LRTM1: variants seen among roughly 807,000 people sequenced by gnomAD.
LRTM1 encodes leucine rich repeat transmembrane protein 1.
A neutral mutation model predicts 32.4 loss-of-function variants in LRTM1; 38 were observed. The ratio of observed to expected loss-of-function variants is 1.17; its 90% CI spans 0.91 to 1.54. The LOEUF (loss-of-function observed/expected upper bound fraction) is 1.54. LRTM1 is among the 40% of genes most tolerant of loss of function. The pLI, the probability that LRTM1 is intolerant of heterozygous loss-of-function variation, is 0.00. For synonymous variants in LRTM1, 186 were observed against 169.9 expected (o/e 1.09, Z -0.74); for missense variants, 466 against 415.4 (o/e 1.12, Z -1.06).
At chr3:54,961,172 A>G (rs1041274440) in intron 1 of LRTM1, among the ~76,000 whole-genome samples, 1 of 152,246 alleles carries the variant, frequency 6.6e-6, no homozygotes, top group African/African-American at 2.4e-5. Flanking sequence ...CCTTGTTACT[A>G]TCACTGCTAG....
chr3:54,926,211 A>C (rs1329230537), intron 1 of LRTM1, among the ~76,000 whole-genome samples: 2 of 152,188 alleles, frequency 1.3e-5, no homozygotes, highest in East Asian at 3.8e-4. Flanking sequence ...TATAGCATGC[A>C]TTTTGAGCCA....
At chr3:54,935,621 C>G (rs561966952) in intron 1 of LRTM1, among the ~76,000 whole-genome samples, 2 of 152,282 alleles carry the variant, frequency 1.3e-5, no homozygotes, top group Admixed American at 6.5e-5. Context: ...ATTGTTTGCT[C>G]ATGTTAACAC....
intron 1 of LRTM1, among the ~76,000 whole-genome samples, chr3:54,934,484 A>G (rs1223552493): frequency 6.6e-6 from 1 of 152,180 alleles, no homozygotes; most frequent in Non-Finnish European, 1.5e-5. Flanking sequence ...CTGCATATGA[A>G]TATCAGCGGA....
At chr3:54,918,994 C>G in intron 2 of LRTM1, 102 bp from the exon 3 acceptor site, 1 of 871,176 alleles carries the variant, frequency 1.1e-6, no homozygotes. Context: ...TTATGAAGTA[C>G]CTTTTTTTTT....
At chr3:54,926,884 A>G (rs921832544) in intron 1 of LRTM1, among the ~76,000 whole-genome samples, 10 of 152,238 alleles carry the variant, frequency 6.6e-5, no homozygotes, top group Non-Finnish European at 1.0e-4. Context: ...ATCTTCTCAC[A>G]GGGCTCAGAG....
upstream of LRTM1, among the ~76,000 whole-genome samples, chr3:54,931,592 C>G (rs1701193457): frequency 6.6e-6 from 1 of 152,178 alleles, no homozygotes; most frequent in African/African-American, 2.4e-5. Flanking sequence ...CTATGAGGGT[C>G]TCCTGGCCCC....
At chr3:54,924,521 TA>T in intron 2 of LRTM1, 97 bp downstream of exon 2, 1 of 1,036,326 alleles carries the variant, frequency 9.6e-7, no homozygotes, top group Non-Finnish European at 1.4e-6. Flanking sequence ...ATCCACCCCT[TA>T]CACACTCCTC....
intron 1 of LRTM1, among the ~76,000 whole-genome samples, chr3:54,958,820 T>C (rs1475323316): frequency 1.3e-5 from 2 of 152,126 alleles, no homozygotes; most frequent in Admixed American, 6.5e-5. Flanking sequence ...AAATATTTTA[T>C]CTGCCTGGCA....
In LRTM1 at chr3:54,924,659, C is replaced by A. The variant is rs774908859; in HGVS notation, c.564G>T (p.Leu188Phe). 6.2e-7 allele frequency: 1 copy of A among 1,614,076 alleles called. No individual in the cohort carries two copies. The highest frequency in any genetic ancestry group is 8.5e-7 in the Non-Finnish European group (1 of 1,180,008). ...TCTCCAGCCAGAGTTTAAGACCGAGCAAGTGGCAATTGCATTTCCAGAGGT... is the reference window on the plus strand; with the variant it reads ...TCTCCAGCCAGAGTTTAAGACCGAGAAAGTGGCAATTGCATTTCCAGAGGT... Reference protein sequence around the residue: ...KDNLWKCNCHLLGLKLWLEKF... With the variant: ...KDNLWKCNCHFLGLKLWLEKF... The change falls in exon 2 of 3, where the codon TTG (leucine) becomes TTT (phenylalanine). Residue 188 changes from leucine (L) to phenylalanine (F), a missense_variant. By Grantham distance (22) the Leu-to-Phe change is conservative (BLOSUM62 0). Transcript: ENST00000273286.
At chr3:54,936,691 G>A (rs886752124) in intron 1 of LRTM1, among the ~76,000 whole-genome samples, 13 of 152,062 alleles carry the variant, frequency 8.5e-5, no homozygotes, top group African/African-American at 3.1e-4. Flanking sequence ...TCTCCAGTCA[G>A]CCCGTCGCTA....
Position 54,918,770 on chromosome 3 carries a change from G to C in LRTM1, c.727C>G (p.Gln243Glu), listed in dbSNP as rs755787433. The C allele has an allele frequency of 6.2e-7, 1 of 1,614,152 alleles. No individual in the cohort carries two copies. The highest frequency in any genetic ancestry group is 1.1e-5 in the South Asian group (1 of 91,074). ...TGGGCAGAGCCGGGCCACTGAGCCT[G>C]CGAGGACACTGGATCAGGAGCAGGA... is the stretch of plus-strand genomic sequence containing the variant. ...PLPAPDPVSS[Q>E]AQWPGSAHGV... Residue 243 changes from glutamine (Q) to glutamate (E), a missense_variant, in exon 3 of 3, where the codon CAG becomes GAG. Coordinates refer to ENST00000273286, the MANE Select transcript of LRTM1 (RefSeq NM_020678.4).
intron 2 of LRTM1, among the ~76,000 whole-genome samples, chr3:54,919,604 G>T (rs914281186): frequency 1.3e-5 from 2 of 151,902 alleles, no homozygotes; most frequent in African/African-American, 4.8e-5. Context: ...GTTGGTCGGG[G>T]GAATTTGGGT....
intron 1 of LRTM1, among the ~76,000 whole-genome samples, chr3:54,964,491 AG>A (rs1208258350): frequency 6.6e-6 from 1 of 152,144 alleles, no homozygotes; most frequent in African/African-American, 2.4e-5. Flanking sequence ...TAAATTAGCA[AG>A]ACTGACTTAA....
intron 1 of LRTM1, among the ~76,000 whole-genome samples, chr3:54,948,401 C>A (rs1479339610): frequency 6.6e-6 from 1 of 152,144 alleles, no homozygotes; most frequent in Non-Finnish European, 1.5e-5. Context: ...GCAACTAGGC[C>A]CTTCATGGGC....
At chr3:54,950,892 A>G (rs1474697018) in intron 1 of LRTM1, among the ~76,000 whole-genome samples, 2 of 152,210 alleles carry the variant, frequency 1.3e-5, no homozygotes, top group Admixed American at 6.5e-5. Flanking sequence ...GCCACAGACA[A>G]GATGGGGTGA....
chr3:54,966,451 G>A (rs1702152696), intron 1 of LRTM1, among the ~76,000 whole-genome samples: 1 of 152,152 alleles, frequency 6.6e-6, no homozygotes, highest in Non-Finnish European at 1.5e-5. Context: ...CCACATCACA[G>A]TAGGTCCCCA....
At chr3:54,943,407 GT>G (rs1424375305) in intron 1 of LRTM1, among the ~76,000 whole-genome samples, 1 of 151,980 alleles carries the variant, frequency 6.6e-6, no homozygotes, top group Non-Finnish European at 1.5e-5. Context: ...TTAATACATG[GT>G]GCTTTGGACT....
chr3:54,941,417 G>A (rs1037499744), intron 1 of LRTM1, among the ~76,000 whole-genome samples: 1 of 152,108 alleles, frequency 6.6e-6, no homozygotes. Context: ...CCTGACGGAC[G>A]CTATTTTCAA....
chr3:54,928,496 T>A (rs1701093239), upstream of LRTM1, among the ~76,000 whole-genome samples: 1 of 152,186 alleles, frequency 6.6e-6, no homozygotes, highest in Admixed American at 6.5e-5. Flanking sequence ...ATTGGCCTGC[T>A]GGAGGCTGAC....
Sources: allele counts gnomAD v4.1 joint callset (sites outside exome capture counted in the v4.1 genomes callset), GRCh38; gene constraint gnomAD v4.1.1; transcripts MANE v1.5; gene names NCBI Gene and HGNC (gene_info 2026-07-23, HGNC 2026-07-21).